Variants in CHRDL2 observed in about 807,000 individuals in gnomAD.
CHRDL2 encodes the protein chordin like 2.
CHRDL2 carries 41 observed loss-of-function variants against 54.3 expected under a neutral mutation model. That is an observed-to-expected ratio of 0.76 (90% confidence interval 0.59 to 0.98). The LOEUF is 0.98. CHRDL2 is among the 50% of genes least tolerant of loss of function. The pLI is 0.00. For missense variants in CHRDL2, 518 were observed against 562.4 expected, an observed-to-expected ratio of 0.92 and a Z score of 0.80; for synonymous variants, 220 against 224.3, an observed-to-expected ratio of 0.98 and a Z score of 0.17.
rs768944692 is a variant in CHRDL2, at chr11:74,702,904, C to T, written c.1010G>A (p.Arg337Gln). ...SSTRCPKAPGRVLVHTSVSPS... is the reference protein window; with the variant it reads ...SSTRCPKAPGQVLVHTSVSPS... Reference sequence around the variant, plus strand: ...GGATACCGATGTGTGGACGAGGACCCGGCCCGGTGCCTTGGGACACCTGGT... The same window carrying T: ...GGATACCGATGTGTGGACGAGGACCTGGCCCGGTGCCTTGGGACACCTGGT... The change falls in exon 9 of 11, where the codon CGG becomes CAG. Residue 337 changes from arginine (R) to glutamine (Q), a missense_variant. By Grantham distance (43) the Arg-to-Gln change is conservative. Transcript: ENST00000376332. 31 of 1,614,028 alleles carry T rather than the reference C, an allele frequency of 1.9e-5. No individual in the cohort carries two copies. The highest frequency in any genetic ancestry group is 5.5e-5 in the South Asian group (5 of 91,086).
intron 4 of CHRDL2, among the ~76,000 whole-genome samples, chr11:74,709,403 C>G (rs1476076384): frequency 1.3e-5 from 2 of 152,176 alleles, no homozygotes; most frequent in African/African-American, 2.4e-5. Flanking sequence ...AGGCAAGTCA[C>G]TTAACTATTC....
At chr11:74,703,535 G>A (rs200494377) in intron 7 of CHRDL2, 36 bp from the exon 8 acceptor site, 1 of 1,510,612 alleles carries the variant, frequency 6.6e-7, no homozygotes, top group South Asian at 1.3e-5. Context: ...GAGGATCAGG[G>A]CCTCAGACCT....
At position 74,727,108 on chromosome 11, in the gene CHRDL2, C is replaced by T. The variant is rs369784743; in HGVS notation, c.82+3699G>A. Among the ~76,000 whole-genome samples the T allele has an allele frequency of 4.2e-4, 64 of 152,306 alleles. 2 individuals are homozygous for T. In the South Asian group the frequency reaches 0.013, roughly 32 times the overall value. Reference sequence around the variant, plus strand: ...TTTGGGTTTTGGAGACTTAGAATTACGAAGTGTTAAAACTAGAATGGTCCT... The same window carrying T: ...TTTGGGTTTTGGAGACTTAGAATTATGAAGTGTTAAAACTAGAATGGTCCT... On this transcript the variant is annotated intron_variant, in intron 1 of 10. Transcript: ENST00000376332.
rs139614796 is a variant in CHRDL2 at position 74,704,105 on chromosome 11, C to G, written c.751+381G>C. On this transcript the variant is annotated intron_variant, in intron 7 of 10. Coordinates refer to ENST00000376332, the MANE Select transcript of CHRDL2 (RefSeq NM_001278473.3). ...TCCTTATATTAAAGTCATTTATTTACTTGTCTGTCTTCCCAACTAGTCTAT... is the reference window on the plus strand; with the variant it reads ...TCCTTATATTAAAGTCATTTATTTAGTTGTCTGTCTTCCCAACTAGTCTAT... 3.3e-3 allele frequency among the ~76,000 whole-genome samples: 503 copies of G among 152,330 alleles called. 3 individuals carry two copies. Among genetic ancestry groups the G allele is most frequent in the African/African-American group, 9.6e-3 (399 of 41,560 alleles).
At chr11:74,711,578 T>C (rs2034193702) in intron 3 of CHRDL2, among the ~76,000 whole-genome samples, 1 of 152,168 alleles carries the variant, frequency 6.6e-6, no homozygotes, top group East Asian at 1.9e-4. Flanking sequence ...AGCCCACTCA[T>C]TCATTCAAGA....
intron 2 of CHRDL2, among the ~76,000 whole-genome samples, chr11:74,716,576 A>AATTG (rs1565156237): frequency 6.6e-6 from 1 of 151,520 alleles, no homozygotes; most frequent in Admixed American, 6.6e-5. Flanking sequence ...AAAGAAAAGA[A>AATTG]ATTGGAGAAT....
chr11:74,703,363 G>C lies in CHRDL2; in HGVS notation c.888C>G (p.Thr296=), dbSNP rs369568362. ...RQDCQRVTCP[T]EYPCRHPEKV... ...TCTCGGGGTGACGGCAGGGGTACTC[G>C]GTGGGACAGGTCACACGCTGGCAGT... Residue 296 remains threonine (T), a synonymous_variant, in exon 8 of 11, where the codon ACC becomes ACG. Coordinates refer to ENST00000376332, the MANE Select transcript of CHRDL2 (RefSeq NM_001278473.3). 4.3e-6 allele frequency: 7 copies of C among 1,613,594 alleles called. No homozygotes were observed. Among genetic ancestry groups the C allele is most frequent in the Non-Finnish European group, 5.9e-6 (7 of 1,179,868 alleles).
Position 74,697,191 on chromosome 11 carries a change from GC to G in CHRDL2, c.1213+13del. On this transcript the variant is annotated intron_variant, in intron 10 of 10. Transcript: ENST00000376332. The stretch of plus-strand genomic sequence containing the variant: ...CTTCCTGCCCCGGCCCCATTCCTCA[GC>G]CCAAGCTCCTACCTTCGTGGGGGCC... 6.2e-7 allele frequency: 1 copy of G among 1,607,770 alleles called. No homozygotes were observed. The highest frequency in any genetic ancestry group is 1.7e-4 in the Middle Eastern group (1 of 5,848).
At chr11:74,707,430 C>T (rs1257657480) in intron 5 of CHRDL2, among the ~76,000 whole-genome samples, 2 of 152,160 alleles carry the variant, frequency 1.3e-5, no homozygotes, top group South Asian at 2.1e-4. Context: ...GGGAACAGTC[C>T]GACCATTTCA....
intron 2 of CHRDL2, among the ~76,000 whole-genome samples, chr11:74,716,596 G>A (rs189410773): frequency 2.5e-4 from 37 of 148,616 alleles, no homozygotes; most frequent in African/African-American, 8.9e-4. Flanking sequence ...TAAGACAGAA[G>A]CAGAGCCCTC....
intron 9 of CHRDL2, 78 bp downstream of exon 9, chr11:74,702,716 A>C: frequency 1.4e-6 from 2 of 1,480,560 alleles, no homozygotes; most frequent in East Asian, 4.5e-5. Context: ...AAACGTCCCT[A>C]AGGCCCCTGT....
At position 74,711,006 on chromosome 11, in the gene CHRDL2, G is replaced by A. The variant is rs2034177477; in HGVS notation, c.290-15C>T. 1 of 1,600,914 alleles carries A rather than the reference G, an allele frequency of 6.2e-7. No individual in the cohort carries two copies. The highest frequency in any genetic ancestry group is 8.5e-7 in the Non-Finnish European group (1 of 1,173,408). ...AGTGTGAGGTTCTGCAGTGGGGGAG[G>A]GGCAGGAGGAAGAAGAAAATGAGGT... is the stretch of plus-strand genomic sequence containing the variant. On this transcript the variant is annotated splice_polypyrimidine_tract_variant and intron_variant, in intron 3 of 10. Coordinates refer to ENST00000376332, the MANE Select transcript of CHRDL2 (RefSeq NM_001278473.3).
At position 74,731,007 on chromosome 11, in the gene CHRDL2, G is replaced by T; in HGVS notation, c.-119C>A. 1.3e-6 allele frequency: 1 copy of T among 793,428 alleles called. No homozygotes were observed. The highest frequency in any genetic ancestry group is 2.0e-6 in the Non-Finnish European group (1 of 498,122). The allele number at this position is 793,428 out of a possible 1,614,324, so 49.1% of individuals were successfully genotyped here. A position where few individuals can be genotyped will look rare whatever the true frequency, so the allele number is the denominator to read the frequency against. ...ACAGACCCCAGGAGGTCTGCTGCTA[G>T]AGCGGGGTCGGAGAAGGGCCAGGAA... is the stretch of plus-strand genomic sequence containing the variant. On this transcript the variant is annotated 5_prime_UTR_variant, in exon 1 of 11. Coordinates refer to ENST00000376332, the MANE Select transcript of CHRDL2 (RefSeq NM_001278473.3). This position sits in a 1 kb window ranked among gnomAD's most constrained non-coding sequence, Gnocchi z 4.4.
At chr11:74,711,148 C>T (rs1463549300) in intron 3 of CHRDL2, among the ~76,000 whole-genome samples, 157 bp from the exon 4 acceptor site, 1 of 152,188 alleles carries the variant, frequency 6.6e-6, no homozygotes, top group African/African-American at 2.4e-5. Flanking sequence ...TTCCCCTTAT[C>T]AGCTAACTAA....
At chr11:74,708,519 C>T in intron 4 of CHRDL2, 124 bp from the exon 5 acceptor site, 1 of 684,418 alleles carries the variant, frequency 1.5e-6, no homozygotes, top group Non-Finnish European at 2.3e-6. Context: ...GGAGGGGAAG[C>T]AACAGCATCT....
intron 3 of CHRDL2, among the ~76,000 whole-genome samples, chr11:74,711,696 C>T (rs754292267): frequency 6.6e-6 from 1 of 152,136 alleles, no homozygotes; most frequent in African/African-American, 2.4e-5. Flanking sequence ...TCAAAAATTA[C>T]GGGTGAGGTG....
chr11:74,703,588 G>T, intron 7 of CHRDL2, 89 bp from the exon 8 acceptor site: 1 of 1,206,368 alleles, frequency 8.3e-7, no homozygotes, highest in South Asian at 1.5e-5. Flanking sequence ...TGGGCCCTTG[G>T]GGAGCCCTCA....
intron 9 of CHRDL2, chr11:74,698,454 C>G (rs1033932475): frequency 3.5e-4 from 53 of 152,338 alleles, no homozygotes; most frequent in African/African-American, 1.3e-3. Flanking sequence ...CCACCCGAGG[C>G]AATTCCTCCT....
chr11:74,697,445 C>A lies in CHRDL2; in HGVS notation c.1121-148G>T, dbSNP rs944917331. On this transcript the variant is annotated intron_variant, in intron 9 of 10. Coordinates refer to ENST00000376332, the MANE Select transcript of CHRDL2 (RefSeq NM_001278473.3). ...ACACAAAATCCTGCTGATGACATTT[C>A]CTCAATATTTTGAATCCATTCTCCT... 42 of 643,190 alleles carry A rather than the reference C, an allele frequency of 6.5e-5. No individual in the cohort carries two copies. In the African/African-American group the frequency reaches 6.8e-4, roughly 10 times the overall value. 39.8% of individuals were successfully genotyped at this position (643,190 alleles called of 1,614,324 possible). A position where few individuals can be genotyped will look rare whatever the true frequency, so the allele number is the denominator to read the frequency against.
Sources: gnomAD v4.1 joint callset for allele counts (sites outside exome capture counted in the v4.1 genomes callset) on GRCh38, gnomAD v4.1.1 for gene constraint, Gnocchi (gnomAD v3.1) non-coding constraint, MANE v1.5 for transcripts, NCBI Gene and HGNC (gene_info 2026-07-23, HGNC 2026-07-21) for gene names.